Variants in SRGAP2C observed in about 807,000 individuals in gnomAD.
The protein encoded by SRGAP2C is SLIT-ROBO Rho GTPase-activating protein 2C.
Under a neutral mutation model 25.1 loss-of-function variants are expected in SRGAP2C, and 15 were observed. The observed-to-expected ratio is 0.60, with a 90% CI of 0.40 to 0.92. The LOEUF (loss-of-function observed/expected upper bound fraction) is 0.92. Ranked by LOEUF, SRGAP2C falls within the 40% of genes least tolerant of loss-of-function variation. The pLI is 0.00. For missense variants in SRGAP2C, 144 were observed against 264.4 expected (o/e 0.54, Z 3.16); for synonymous variants, 44 against 96.6 (o/e 0.46, Z 3.19).
chr1:121,278,561 C>CT (rs1476574451), intron 2 of SRGAP2C, among the ~76,000 whole-genome samples: 1 of 148,034 alleles, frequency 6.8e-6, no homozygotes, highest in Admixed American at 6.7e-5. Flanking sequence ...TGAGGAAGAA[C>CT]TTTTTGTCTG....
At chr1:121,199,663 T>C (rs506108) in intron 2 of SRGAP2C, among the ~76,000 whole-genome samples, 1 of 96,010 alleles carries the variant, frequency 1.0e-5, no homozygotes. Context: ...TGGTGGCAGG[T>C]GCCTGTAATT....
At chr1:121,372,034 A>T (rs1457941572) in intron 5 of SRGAP2C, among the ~76,000 whole-genome samples, 1 of 152,288 alleles carries the variant, frequency 6.6e-6, no homozygotes, top group East Asian at 1.9e-4. Flanking sequence ...AAACACCATT[A>T]GTTGTTAAGT....
intron 2 of SRGAP2C, among the ~76,000 whole-genome samples, chr1:121,207,271 C>A (rs1655136781): frequency 6.6e-6 from 1 of 152,152 alleles, no homozygotes; most frequent in Non-Finnish European, 1.5e-5. Flanking sequence ...ATAGCATTTT[C>A]TTTCCCTGTG....
At chr1:121,223,995 G>A (rs1315690418) in intron 2 of SRGAP2C, among the ~76,000 whole-genome samples, 1 of 151,704 alleles carries the variant, frequency 6.6e-6, no homozygotes, top group Admixed American at 6.6e-5. Context: ...TTTTTACAGA[G>A]GCCGCTTGGC....
chr1:121,350,783 G>A (rs1199661595), intron 4 of SRGAP2C, among the ~76,000 whole-genome samples: 1 of 151,194 alleles, frequency 6.6e-6, no homozygotes, highest in African/African-American at 2.4e-5. Flanking sequence ...GTGTTTGAGA[G>A]GACACTGTCA....
chr1:121,379,054 C>T (rs868947979), intron 7 of SRGAP2C, among the ~76,000 whole-genome samples: 7,168 of 152,194 alleles, frequency 0.047, 563 homozygotes, highest in African/African-American at 0.16. Context: ...GAATGAAGAA[C>T]AGGGCATTGT....
At chr1:121,348,457 T>C (rs1553344675) in intron 4 of SRGAP2C, among the ~76,000 whole-genome samples, 1 of 151,822 alleles carries the variant, frequency 6.6e-6, no homozygotes, top group East Asian at 2.0e-4. Context: ...ATTTCTTTCC[T>C]TTAACCAGAA....
intron 4 of SRGAP2C, among the ~76,000 whole-genome samples, chr1:121,356,842 T>C (rs1207527560): frequency 2.0e-5 from 3 of 151,368 alleles, no homozygotes; most frequent in Non-Finnish European, 2.9e-5. Flanking sequence ...TTAAGGGATG[T>C]TGTTTTGAGT....
chr1:121,277,933 G>T (rs1459088663), intron 2 of SRGAP2C, among the ~76,000 whole-genome samples: 2 of 128,518 alleles, frequency 1.6e-5, no homozygotes, highest in Non-Finnish European at 3.3e-5. Flanking sequence ...TTGTTGGTTG[G>T]TTGTGCCTTA....
intron 4 of SRGAP2C, among the ~76,000 whole-genome samples, chr1:121,357,409 A>G (rs1453893998): frequency 2.7e-5 from 4 of 146,822 alleles, no homozygotes; most frequent in Non-Finnish European, 6.0e-5. Flanking sequence ...TGTTTAATCT[A>G]TCTGGAGGAA....
intron 3 of SRGAP2C, among the ~76,000 whole-genome samples, chr1:121,293,527 C>A (rs1210814221): frequency 1.3e-5 from 2 of 150,654 alleles, no homozygotes; most frequent in Non-Finnish European, 3.0e-5. Flanking sequence ...TGAGGTCATA[C>A]CCTTGGAAAT....
Position 121,390,725 on chromosome 1 carries a change from C to T in SRGAP2C, c.*2870C>T, listed in dbSNP as rs1192378446. On this transcript the variant is annotated 3_prime_UTR_variant, in exon 10 of 10. Coordinates refer to ENST00000367123, the MANE Select transcript of SRGAP2C (RefSeq NM_001329984.2). ...AGCGATTTTTAAAAATTACCTAACC[C>T]AACCTTCTCATTTGAAAAATTAAAA... The T allele has an allele frequency of 7.2e-6, 1 of 138,098 alleles. No individual in the cohort carries two copies. Among genetic ancestry groups the T allele is most frequent in the Non-Finnish European group, 1.6e-5 (1 of 64,386 alleles). The allele number at this position is 138,098 out of a possible 1,614,324, so 8.6% of individuals were successfully genotyped here.
chr1:121,232,737 G>A (rs1655850409), intron 2 of SRGAP2C, among the ~76,000 whole-genome samples: 1 of 152,152 alleles, frequency 6.6e-6, no homozygotes. Flanking sequence ...TTGGGTTAAG[G>A]GAAGTTCAAG....
chr1:121,321,195 C>T (rs1437836254), intron 3 of SRGAP2C, among the ~76,000 whole-genome samples: 2 of 141,068 alleles, frequency 1.4e-5, no homozygotes, highest in Non-Finnish European at 3.0e-5. Context: ...GTCTCTTGCT[C>T]ATGTCAGTGA....
At chr1:121,223,921 T>C (rs1388187704) in intron 2 of SRGAP2C, among the ~76,000 whole-genome samples, 1 of 120,914 alleles carries the variant, frequency 8.3e-6, no homozygotes, top group Non-Finnish European at 1.7e-5. Flanking sequence ...ATGCTATAAT[T>C]AATAGTCTGG....
In SRGAP2C at chr1:121,392,155, TAAAA is replaced by T; in HGVS notation, c.*4303_*4306del. 6.6e-6 allele frequency: 1 copy of T among 152,224 alleles called. No individual in the cohort carries two copies. The highest frequency in any genetic ancestry group is 2.1e-4 in the South Asian group (1 of 4,816). The allele number at this position is 152,224 out of a possible 1,614,324, so 9.4% of individuals were successfully genotyped here. A position where few individuals can be genotyped will look rare whatever the true frequency, so the allele number is the denominator to read the frequency against. Reference sequence around the variant, plus strand: ...TACTGTCTCTGAGAAACAGAAAGAATAAAAAATAAACAATGAGCAGAGACTAATG... The same window carrying T: ...TACTGTCTCTGAGAAACAGAAAGAATAATAAACAATGAGCAGAGACTAATG... On this transcript the variant is annotated 3_prime_UTR_variant, in exon 10 of 10. Transcript: ENST00000367123.
chr1:121,249,565 TATATATATATATATA>T (rs1357413369), intron 2 of SRGAP2C, among the ~76,000 whole-genome samples: 9 of 31,890 alleles, frequency 2.8e-4, no homozygotes, highest in African/African-American at 9.3e-4. Flanking sequence ...TATATATATA[TATATATATATATATA>T]TTTTTTTTTT....
intron 4 of SRGAP2C, among the ~76,000 whole-genome samples, chr1:121,355,411 G>A (rs1553347390): frequency 1.3e-5 from 1 of 79,370 alleles, no homozygotes; most frequent in African/African-American, 5.1e-5. Context: ...TCTGCCTCCC[G>A]GGTTCACGCC....
intron 2 of SRGAP2C, among the ~76,000 whole-genome samples, chr1:121,283,437 C>CA (rs1657294261): frequency 6.6e-6 from 1 of 151,014 alleles, no homozygotes; most frequent in South Asian, 2.1e-4. Flanking sequence ...CTCATTGCTT[C>CA]AAGAACATTT....
Sources: gnomAD v4.1 joint callset for allele counts (sites outside exome capture counted in the v4.1 genomes callset) on GRCh38, gnomAD v4.1.1 for gene constraint, MANE v1.5 for transcripts, NCBI Gene and HGNC (gene_info 2026-07-23, HGNC 2026-07-21) for gene names.